The following CTNNA2 variants were observed in gnomAD, a reference collection of about 807,000 sequenced individuals.
The protein encoded by CTNNA2 is catenin alpha-2.
In CTNNA2, 42 loss-of-function variants were observed where a neutral mutation model predicts 101.0. The observed-to-expected ratio is 0.42, with a 90% CI of 0.32 to 0.54. The LOEUF (loss-of-function observed/expected upper bound fraction) is 0.54, where lower values mean the gene tolerates loss of function less well. CTNNA2 is among the 20% of genes least tolerant of loss of function. CTNNA2 has a pLI of 0.14. For synonymous variants in CTNNA2, 450 were observed against 456.4 expected (o/e 0.99, Z 0.18); for missense variants, 871 against 1,223.1 (o/e 0.71, Z 4.29).
chr2:80,420,084 G>A (rs1680403255), intron 9 of CTNNA2, among the ~76,000 whole-genome samples: 1 of 141,498 alleles, frequency 7.1e-6, no homozygotes, highest in Non-Finnish European at 1.5e-5. Context: ...CCAAAGAGAT[G>A]TTTGAACTTT....
intron 1 of CTNNA2, among the ~76,000 whole-genome samples, chr2:79,595,268 C>T (rs1042600272): frequency 5.3e-5 from 8 of 152,102 alleles, no homozygotes; most frequent in African/African-American, 1.4e-4. Context: ...CATTTTTCAC[C>T]GTGATCCCTT....
intron 4 of CTNNA2, among the ~76,000 whole-genome samples, chr2:79,413,447 CTTCA>C (rs1347626454): frequency 1.3e-5 from 2 of 151,946 alleles, no homozygotes; most frequent in African/African-American, 4.8e-5. Flanking sequence ...ACTCCATTTT[CTTCA>C]TTCAGTCACT....
chr2:79,736,715 C>T (rs2104948051), intron 2 of CTNNA2, among the ~76,000 whole-genome samples: 1 of 152,248 alleles, frequency 6.6e-6, no homozygotes, highest in East Asian at 1.9e-4. Context: ...GAAGCCTTCT[C>T]TTGTGTTAGC....
rs115420810 is a variant in CTNNA2 at position 80,249,516 on chromosome 2, C to T, written c.1057-143695C>T. 5.2e-3 allele frequency among the ~76,000 whole-genome samples: 789 copies of T among 152,204 alleles called. 10 individuals carry two copies. The highest frequency in any genetic ancestry group is 0.017 in the African/African-American group (718 of 41,528). On this transcript the variant is annotated intron_variant, in intron 7 of 18. Transcript: ENST00000402739. ...GCATGTACTTTGTGCCTGGAACTTT[C>T]CTAAAGCTGGAAGATAGTTTTAACT...
chr2:80,250,204 AGTGTGTGT>A (rs56664173), intron 7 of CTNNA2, among the ~76,000 whole-genome samples: 4 of 96,502 alleles, frequency 4.1e-5, no homozygotes, highest in South Asian at 5.6e-4. Context: ...AGAGAGAGAG[AGTGTGTGT>A]GTGTGTGTGT....
At chr2:80,084,854 GA>G (rs1405879034) in intron 7 of CTNNA2, among the ~76,000 whole-genome samples, 2 of 151,952 alleles carry the variant, frequency 1.3e-5, no homozygotes, top group South Asian at 4.1e-4. Flanking sequence ...GAATGAAGAT[GA>G]AAAAAAATTG....
intron 9 of CTNNA2, among the ~76,000 whole-genome samples, chr2:80,471,521 A>G (rs1407505875): frequency 6.6e-6 from 1 of 152,220 alleles, no homozygotes; most frequent in African/African-American, 2.4e-5. Flanking sequence ...CATTCTGTTT[A>G]GAGGCAGGAG....
At chr2:79,416,112 C>T (rs1320437766) in intron 4 of CTNNA2, among the ~76,000 whole-genome samples, 1 of 152,006 alleles carries the variant, frequency 6.6e-6, no homozygotes, top group Admixed American at 6.6e-5. Context: ...AGCGTTCTTC[C>T]CAGGACTACT....
At chr2:80,279,543 T>C (rs903047643) in intron 7 of CTNNA2, among the ~76,000 whole-genome samples, 7 of 152,224 alleles carry the variant, frequency 4.6e-5, no homozygotes, top group Non-Finnish European at 8.8e-5. Context: ...TTATACTATT[T>C]ATTTTTTTCG....
intron 9 of CTNNA2, among the ~76,000 whole-genome samples, chr2:80,478,493 G>T (rs1427497143): frequency 6.6e-6 from 1 of 151,956 alleles, no homozygotes; most frequent in African/African-American, 2.4e-5. Flanking sequence ...GTTTTTCATA[G>T]GTTTTCTCCT....
intron 18 of CTNNA2, among the ~76,000 whole-genome samples, chr2:80,638,613 G>T (rs564389296): frequency 6.6e-6 from 1 of 152,192 alleles, no homozygotes; most frequent in African/African-American, 2.4e-5. Flanking sequence ...GCCTTGTTTC[G>T]GGTTGAGCAA....
chr2:79,399,219 AT>A (rs1040955319), intron 4 of CTNNA2, among the ~76,000 whole-genome samples: 5 of 151,938 alleles, frequency 3.3e-5, no homozygotes, highest in African/African-American at 7.2e-5. Context: ...TAAGAGGCTG[AT>A]TTTTTTTTAA....
At chr2:79,399,915 G>T (rs1303659020) in intron 4 of CTNNA2, among the ~76,000 whole-genome samples, 1 of 152,098 alleles carries the variant, frequency 6.6e-6, no homozygotes, top group Non-Finnish European at 1.5e-5. Context: ...ACAGGTCTCA[G>T]TCAATTTAGG....
intron 1 of CTNNA2, among the ~76,000 whole-genome samples, chr2:79,563,491 G>A (rs529035927): frequency 7.0e-4 from 106 of 152,092 alleles, no homozygotes; most frequent in African/African-American, 2.4e-3. Context: ...CTTAGATTGC[G>A]TCCCTTTCTC....
At chr2:79,986,130 G>A (rs114820865) in intron 7 of CTNNA2, among the ~76,000 whole-genome samples, 253 of 152,262 alleles carry the variant, frequency 1.7e-3, no homozygotes, top group Middle Eastern at 6.8e-3. Flanking sequence ...AATTTACCAC[G>A]GGAGATGTTG....
chr2:79,568,845 C>A (rs1675279638), intron 1 of CTNNA2, among the ~76,000 whole-genome samples: 1 of 98,262 alleles, frequency 1.0e-5, no homozygotes, highest in Non-Finnish European at 1.9e-5. Context: ...AACATGGCAA[C>A]ATTCTGTTTC....
At chr2:79,809,768 T>C (rs11893489) in intron 3 of CTNNA2, among the ~76,000 whole-genome samples, 29,233 of 152,170 alleles carry the variant, frequency 0.19, 3,302 homozygotes, top group African/African-American at 0.32. Flanking sequence ...TCTTTTGCTA[T>C]GCAGAAGCTC....
At chr2:79,737,295 G>A (rs998384677) in intron 2 of CTNNA2, among the ~76,000 whole-genome samples, 3 of 150,364 alleles carry the variant, frequency 2.0e-5, no homozygotes, top group East Asian at 3.9e-4. Flanking sequence ...GTTGCGGTGC[G>A]CCAAGATTGT....
chr2:79,966,713 G>T (rs1690088836), intron 7 of CTNNA2, among the ~76,000 whole-genome samples: 1 of 152,202 alleles, frequency 6.6e-6, no homozygotes, highest in African/African-American at 2.4e-5. Context: ...TCTTTTCAAA[G>T]CATCAGTGAC....
Sources: allele counts gnomAD v4.1 joint callset (sites outside exome capture counted in the v4.1 genomes callset), GRCh38; gene constraint gnomAD v4.1.1; transcripts MANE v1.5; gene names NCBI Gene and HGNC (gene_info 2026-07-23, HGNC 2026-07-21).